KCNQ3: variants seen among roughly 807,000 people sequenced by gnomAD.
The protein encoded by KCNQ3 is potassium voltage-gated channel subfamily Q member 3, also known as potassium voltage-gated channel subfamily KQT member 3.
KCNQ3 carries 30 observed loss-of-function variants against 92.5 expected under a neutral mutation model. The observed-to-expected ratio is 0.32, with a 90% CI of 0.24 to 0.44. The LOEUF (loss-of-function observed/expected upper bound fraction) is 0.44, where lower values mean the gene tolerates loss of function less well. Among genes scored for constraint, KCNQ3 ranks in the 20% least tolerant of loss-of-function variants. The pLI, the probability that KCNQ3 is intolerant of heterozygous loss-of-function variation, is 1.00. For synonymous variants in KCNQ3, 450 were observed against 468.8 expected (o/e 0.96, Z 0.52); for missense variants, 913 against 1,140.3 (o/e 0.80, Z 2.87).
At chr8:132,396,330 A>G (rs1317925505) in intron 1 of KCNQ3, among the ~76,000 whole-genome samples, 5 of 152,112 alleles carry the variant, frequency 3.3e-5, no homozygotes, top group African/African-American at 1.2e-4. Flanking sequence ...ATCTTTGCAG[A>G]AGCAGAATTT....
At chr8:132,396,054 C>T (rs778415267) in intron 1 of KCNQ3, among the ~76,000 whole-genome samples, 1 of 152,228 alleles carries the variant, frequency 6.6e-6, no homozygotes, top group Non-Finnish European at 1.5e-5. Context: ...GTGGAGCTAA[C>T]GCCAGTCTCT....
chr8:132,295,389 G>A (rs1321042207), intron 1 of KCNQ3, among the ~76,000 whole-genome samples: 1 of 152,168 alleles, frequency 6.6e-6, no homozygotes, highest in Non-Finnish European at 1.5e-5. Flanking sequence ...AACAACAGAT[G>A]CTGGCAAGGC....
chr8:132,261,225 G>T (rs1318742467), intron 1 of KCNQ3, among the ~76,000 whole-genome samples: 2 of 152,188 alleles, frequency 1.3e-5, no homozygotes, highest in African/African-American at 4.8e-5. Flanking sequence ...GATCTGTTTG[G>T]ATGTATTGGT....
intron 1 of KCNQ3, among the ~76,000 whole-genome samples, chr8:132,245,279 C>T (rs1815131727): frequency 1.3e-5 from 2 of 152,218 alleles, no homozygotes; most frequent in African/African-American, 4.8e-5. Context: ...TGACTTGTAC[C>T]TACCTTTTGC....
chr8:132,349,928 G>C (rs1424467395), intron 1 of KCNQ3, among the ~76,000 whole-genome samples: 2 of 152,200 alleles, frequency 1.3e-5, no homozygotes, highest in East Asian at 1.9e-4. Flanking sequence ...CACGCTGAAG[G>C]CTACACCACT....
At chr8:132,478,566 AAT>A (rs1250498445) in intron 1 of KCNQ3, among the ~76,000 whole-genome samples, 4 of 152,156 alleles carry the variant, frequency 2.6e-5, no homozygotes, top group Non-Finnish European at 5.9e-5. Flanking sequence ...AAAAAGAGCA[AAT>A]GAAAGAGCAA....
intron 1 of KCNQ3, among the ~76,000 whole-genome samples, chr8:132,257,203 GAATT>G (rs991775089): frequency 1.3e-5 from 2 of 151,910 alleles, no homozygotes; most frequent in African/African-American, 4.8e-5. Context: ...TAAATTAAAA[GAATT>G]AATTTTAATC....
intron 1 of KCNQ3, among the ~76,000 whole-genome samples, chr8:132,192,949 T>C (rs1390143883): frequency 6.6e-6 from 1 of 152,136 alleles, no homozygotes; most frequent in Non-Finnish European, 1.5e-5. Context: ...GCCCGGTCTT[T>C]CTCTATAGTC....
intron 1 of KCNQ3, among the ~76,000 whole-genome samples, chr8:132,465,248 A>G (rs1822145727): frequency 6.6e-6 from 1 of 152,202 alleles, no homozygotes; most frequent in Admixed American, 6.5e-5. Flanking sequence ...TGAAAATGCT[A>G]ATGTTTCTCA....
rs76176515 is a variant in KCNQ3, at chr8:132,417,041, G to T, written c.386+63106C>A. On this transcript the variant is annotated intron_variant, in intron 1 of 14. Transcript: ENST00000388996. Reference sequence around the variant, plus strand: ...TCCAAGTAGCCACCACCATTATTGGGTCCTCCTTCTGCCCAAAGAAACTGA... The same window carrying T: ...TCCAAGTAGCCACCACCATTATTGGTTCCTCCTTCTGCCCAAAGAAACTGA... 2.8e-3 allele frequency among the ~76,000 whole-genome samples: 428 copies of T among 152,260 alleles called. 1 individual carries two copies. Among genetic ancestry groups the T allele is most frequent in the Middle Eastern group, 0.01 (3 of 294 alleles).
chr8:132,175,824 C>A (rs1826530413), intron 4 of KCNQ3, among the ~76,000 whole-genome samples: 1 of 152,066 alleles, frequency 6.6e-6, no homozygotes, highest in Non-Finnish European at 1.5e-5. Context: ...GTGTATGGCT[C>A]CAGGAGGAGA....
At chr8:132,416,098 G>A (rs1820796395) in intron 1 of KCNQ3, among the ~76,000 whole-genome samples, 1 of 152,334 alleles carries the variant, frequency 6.6e-6, no homozygotes, top group East Asian at 1.9e-4. Context: ...CCTTCCATGT[G>A]TGGGAATGAG....
chr8:132,453,407 A>T (rs928460397), intron 1 of KCNQ3, among the ~76,000 whole-genome samples: 5 of 152,194 alleles, frequency 3.3e-5, no homozygotes, highest in Non-Finnish European at 7.3e-5. Flanking sequence ...ACATTGCAGG[A>T]GATGAGGCCT....
intron 1 of KCNQ3, among the ~76,000 whole-genome samples, chr8:132,192,682 C>A (rs931477076): frequency 2.0e-4 from 31 of 152,240 alleles, no homozygotes; most frequent in African/African-American, 7.5e-4. Flanking sequence ...CGGAATCTCG[C>A]TCTGTCACCC....
chr8:132,182,880 TCG>T (rs777069422), intron 3 of KCNQ3, among the ~76,000 whole-genome samples: 2 of 129,902 alleles, frequency 1.5e-5, no homozygotes, highest in Non-Finnish European at 1.6e-5. Context: ...TCCTCCAATA[TCG>T]CACACACACA....
intron 1 of KCNQ3, among the ~76,000 whole-genome samples, chr8:132,326,230 A>C (rs1349281667): frequency 6.6e-6 from 1 of 152,194 alleles, no homozygotes; most frequent in Non-Finnish European, 1.5e-5. Context: ...ACCACTTCAC[A>C]AAACTTTCTC....
intron 1 of KCNQ3, among the ~76,000 whole-genome samples, chr8:132,357,545 C>G (rs1354032811): frequency 6.6e-6 from 1 of 152,214 alleles, no homozygotes; most frequent in African/African-American, 2.4e-5. Flanking sequence ...TGAGGTCAGT[C>G]TGCAAGTCTG....
chr8:132,322,251 C>T lies in KCNQ3; in HGVS notation c.387-136070G>A, dbSNP rs567908718. On this transcript the variant is annotated intron_variant, in intron 1 of 14. Transcript: ENST00000388996. ...GCTTGCTTTGCTTCTCTCATCTCTG[C>T]TAATTCCCTAAACTCTCAGCAAAGG... Among the ~76,000 whole-genome samples the T allele has an allele frequency of 3.7e-4, 56 of 152,254 alleles. No homozygotes were observed. The South Asian group carries it at 6.8e-3, about 19-fold the overall frequency.
At chr8:132,287,985 T>C (rs1170413265) in intron 1 of KCNQ3, among the ~76,000 whole-genome samples, 1 of 152,216 alleles carries the variant, frequency 6.6e-6, no homozygotes, top group Non-Finnish European at 1.5e-5. Context: ...TATTTCTGGC[T>C]TTGGTCCTGG....
Sources: gnomAD v4.1 joint callset for allele counts (sites outside exome capture counted in the v4.1 genomes callset) on GRCh38, gnomAD v4.1.1 for gene constraint, MANE v1.5 for transcripts, NCBI Gene and HGNC (gene_info 2026-07-23, HGNC 2026-07-21) for gene names.